Variants in CDH13 observed in about 807,000 individuals in gnomAD.
CDH13 encodes cadherin-13.
A neutral mutation model predicts 63.8 loss-of-function variants in CDH13; 24 were observed. The ratio of observed to expected loss-of-function variants is 0.38; its 90% confidence interval spans 0.27 to 0.53. CDH13 has a LOEUF of 0.53. Among genes scored for constraint, CDH13 ranks in the 20% least tolerant of loss-of-function variants. CDH13 has a pLI of 0.85. For synonymous variants in CDH13, 503 were observed against 355.3 expected (o/e 1.42, Z -4.67); for missense variants, 1,049 against 903.1 (o/e 1.16, Z -2.07).
chr16:82,964,305 A>T (rs1431427946), intron 2 of CDH13, among the ~76,000 whole-genome samples: 30 of 152,240 alleles, frequency 2.0e-4, no homozygotes, highest in Admixed American at 2.0e-3. Context: ...ATCTTGAAAG[A>T]TCCCAAAGGG....
chr16:82,788,157 C>G (rs114739522), intron 1 of CDH13, among the ~76,000 whole-genome samples: 1,649 of 152,218 alleles, frequency 0.011, 30 homozygotes, highest in African/African-American at 0.038. Context: ...ATCTAGGAAC[C>G]AAAGTGTCTC....
Position 83,647,956 on chromosome 16 carries a change from A to G in CDH13, c.1102-22834A>G, listed in dbSNP as rs574091101. Among the ~76,000 whole-genome samples, 8 of 152,252 alleles carry G rather than the reference A, an allele frequency of 5.3e-5. No homozygotes were observed. The East Asian group carries it at 1.5e-3, about 29-fold the overall frequency. Reference sequence around the variant, plus strand: ...CAAGATGCATTACAAACCTGATCCTAAAGCCCCACAACTGCCTGATAAGGT... The same window carrying G: ...CAAGATGCATTACAAACCTGATCCTGAAGCCCCACAACTGCCTGATAAGGT... On this transcript the variant is annotated intron_variant, in intron 8 of 13. Transcript: ENST00000567109.
intron 6 of CDH13, among the ~76,000 whole-genome samples, chr16:83,386,980 G>A (rs2091686567): frequency 6.6e-6 from 1 of 152,182 alleles, no homozygotes; most frequent in South Asian, 2.1e-4. Flanking sequence ...TGCTGCAAGA[G>A]ACTTTCGCCT....
In CDH13 at chr16:83,281,714, G is replaced by A. The variant is rs559622102; in HGVS notation, c.637-63148G>A. 2.1e-4 allele frequency among the ~76,000 whole-genome samples: 31 copies of A among 151,034 alleles called. 1 individual carries two copies. Among genetic ancestry groups the A allele is most frequent in the Non-Finnish European group, 3.8e-4 (26 of 67,878 alleles). ...ACTTGAGGTCAGGAGTTCGAGACCA[G>A]CCTGGCCAACATAGTAAAACCTCAT... On this transcript the variant is annotated intron_variant, in intron 5 of 13. Coordinates refer to ENST00000567109, the MANE Select transcript of CDH13 (RefSeq NM_001257.5).
intron 1 of CDH13, among the ~76,000 whole-genome samples, chr16:82,727,125 G>T (rs2033142037): frequency 6.6e-6 from 1 of 152,162 alleles, no homozygotes; most frequent in African/African-American, 2.4e-5. Flanking sequence ...TGCGCAGGTG[G>T]TATAGGGAAG....
chr16:82,795,696 C>A (rs1015904183), intron 1 of CDH13, among the ~76,000 whole-genome samples: 4 of 152,312 alleles, frequency 2.6e-5, no homozygotes, highest in Admixed American at 2.0e-4. Context: ...CTCTTAACCA[C>A]CCTATTGACC....
chr16:82,847,240 C>G (rs1005850326), intron 1 of CDH13, among the ~76,000 whole-genome samples: 2 of 152,184 alleles, frequency 1.3e-5, no homozygotes, highest in Non-Finnish European at 2.9e-5. Context: ...CAAATGACCA[C>G]AAATTTAGCA....
At chr16:82,834,014 A>G (rs913040455) in intron 1 of CDH13, among the ~76,000 whole-genome samples, 3 of 152,164 alleles carry the variant, frequency 2.0e-5, no homozygotes, top group Admixed American at 2.0e-4. Flanking sequence ...GCCCATGACT[A>G]TCTCATTTTT....
intron 6 of CDH13, among the ~76,000 whole-genome samples, chr16:83,446,218 G>A (rs777183448): frequency 2.0e-5 from 3 of 150,894 alleles, no homozygotes; most frequent in Non-Finnish European, 2.9e-5. Flanking sequence ...CAAGAGAATC[G>A]CTTGAACCCA....
chr16:83,157,665 C>T (rs991305153), intron 4 of CDH13, among the ~76,000 whole-genome samples: 1 of 148,064 alleles, frequency 6.8e-6, no homozygotes, highest in Non-Finnish European at 1.5e-5. Context: ...GAGGCCGAGG[C>T]GGGCAGATCA....
intron 5 of CDH13, among the ~76,000 whole-genome samples, chr16:83,235,587 T>TG (rs201699367): frequency 6.4e-5 from 8 of 125,208 alleles, no homozygotes; most frequent in Admixed American, 5.9e-4. Context: ...GTGGTGTTTT[T>TG]TTTTTTTTTT....
At position 83,315,039 on chromosome 16, in the gene CDH13, C is replaced by G. The variant is rs566299132; in HGVS notation, c.637-29823C>G. Among the ~76,000 whole-genome samples, 8 of 152,292 alleles carry G rather than the reference C, an allele frequency of 5.3e-5. No individual in the cohort carries two copies. In the East Asian group the frequency reaches 1.5e-3, roughly 29 times the overall value. On this transcript the variant is annotated intron_variant, in intron 5 of 13. Coordinates refer to ENST00000567109, the MANE Select transcript of CDH13 (RefSeq NM_001257.5). ...CTTTGGACAAGGCACTTATATTCAA[C>G]TACAAAAGGGTCACCCATGCTGACG...
At chr16:82,941,634 C>G (rs1286470838) in intron 2 of CDH13, among the ~76,000 whole-genome samples, 3 of 152,136 alleles carry the variant, frequency 2.0e-5, no homozygotes, top group Non-Finnish European at 4.4e-5. Context: ...TTAAACACGG[C>G]TATTCTTAAA....
At chr16:83,750,807 C>A (rs1913017213) in intron 11 of CDH13, among the ~76,000 whole-genome samples, 1 of 152,164 alleles carries the variant, frequency 6.6e-6, no homozygotes, top group Non-Finnish European at 1.5e-5. Flanking sequence ...CAGTCTTGGA[C>A]TTCAGGCCTC....
chr16:83,176,605 A>G (rs371059061), intron 4 of CDH13, among the ~76,000 whole-genome samples: 4 of 151,896 alleles, frequency 2.6e-5, no homozygotes, highest in East Asian at 1.9e-4. Flanking sequence ...TTCATCCCCA[A>G]TTATAAATAT....
chr16:82,685,785 G>A (rs189682313), intron 1 of CDH13, among the ~76,000 whole-genome samples: 1 of 152,174 alleles, frequency 6.6e-6, no homozygotes, highest in South Asian at 2.1e-4. Flanking sequence ...CCCAGGGAGA[G>A]GTTTAACCAA....
chr16:83,720,714 A>G (rs1259942475), intron 10 of CDH13, among the ~76,000 whole-genome samples: 1 of 152,198 alleles, frequency 6.6e-6, no homozygotes, highest in Non-Finnish European at 1.5e-5. Flanking sequence ...ACTGGCTTCC[A>G]TACTCTGAGA....
chr16:82,750,498 A>G (rs1440234980), intron 1 of CDH13, among the ~76,000 whole-genome samples: 1 of 152,148 alleles, frequency 6.6e-6, no homozygotes, highest in South Asian at 2.1e-4. Context: ...TGCCCATTCA[A>G]TTCCAATCTG....
intron 1 of CDH13, among the ~76,000 whole-genome samples, chr16:82,741,927 A>AT (rs1409527656): frequency 6.6e-6 from 1 of 152,172 alleles, no homozygotes; most frequent in Non-Finnish European, 1.5e-5. Flanking sequence ...CAGAAATTTG[A>AT]TTTTAAATAA....
Sources: gnomAD v4.1 joint callset for allele counts (sites outside exome capture counted in the v4.1 genomes callset) on GRCh38, gnomAD v4.1.1 for gene constraint, MANE v1.5 for transcripts, NCBI Gene and HGNC (gene_info 2026-07-23, HGNC 2026-07-21) for gene names.